The following POLR3B variants were observed in gnomAD, a reference collection of about 807,000 sequenced individuals.
The protein encoded by POLR3B is RNA polymerase III subunit B.
Under a neutral mutation model 147.4 loss-of-function variants are expected in POLR3B, and 96 were observed. The observed-to-expected ratio is 0.65, with a 90% confidence interval of 0.55 to 0.77. The LOEUF is 0.77. POLR3B is among the 30% of genes least tolerant of loss of function. The pLI is 0.00. For synonymous variants in POLR3B, 461 were observed against 485.9 expected (o/e 0.95, Z 0.67); for missense variants, 1,036 against 1,413.5 (o/e 0.73, Z 4.28).
intron 9 of POLR3B, among the ~76,000 whole-genome samples, chr12:106,385,547 A>G (rs1044236234): frequency 6.6e-6 from 1 of 152,258 alleles, no homozygotes; most frequent in Non-Finnish European, 1.5e-5. Context: ...CATTTTGGGT[A>G]TAAGCCTCAG....
chr12:106,501,300 A>T (rs752450168), intron 25 of POLR3B, 23 bp from the exon 26 acceptor site: 1 of 1,495,032 alleles, frequency 6.7e-7, no homozygotes, highest in African/African-American at 1.4e-5. Flanking sequence ...TTCTTAACCC[A>T]CAACAATTGA....
At chr12:106,494,096 T>G (rs1403757119) in intron 23 of POLR3B, among the ~76,000 whole-genome samples, 1 of 152,180 alleles carries the variant, frequency 6.6e-6, no homozygotes, top group African/African-American at 2.4e-5. Flanking sequence ...CTAAATATTC[T>G]TAATCAGATT....
Position 106,469,324 on chromosome 12 carries a change from A to G in POLR3B, c.2713+5704A>G, listed in dbSNP as rs1242450488. ...TTGGTAGATCTTCCTCCATCCCTTT[A>G]TTTTGAGCCTATGTGTGTCTCTGCA... On this transcript the variant is annotated intron_variant, in intron 23 of 27. Transcript: ENST00000228347. 5.2e-5 allele frequency among the ~76,000 whole-genome samples: 4 copies of G among 76,630 alleles called. No individual in the cohort carries two copies. The Admixed American group carries it at 5.7e-4, about 11-fold the overall frequency. The allele number at this position is 76,630 out of a possible 152,430, so 50.3% of individuals were successfully genotyped here.
chr12:106,398,734 G>T (rs12309290), intron 10 of POLR3B, among the ~76,000 whole-genome samples: 39 of 152,182 alleles, frequency 2.6e-4, no homozygotes, highest in African/African-American at 9.4e-4. Flanking sequence ...GTCTGGAGTG[G>T]ACCTCTAGCA....
chr12:106,443,038 A>C (rs1050137417), intron 18 of POLR3B, among the ~76,000 whole-genome samples: 2 of 152,224 alleles, frequency 1.3e-5, no homozygotes, highest in Non-Finnish European at 2.9e-5. Context: ...AATGCAAGCC[A>C]CCTATATAAC....
intron 12 of POLR3B, among the ~76,000 whole-genome samples, chr12:106,414,637 T>C (rs1298083685): frequency 6.6e-6 from 1 of 152,150 alleles, no homozygotes; most frequent in Non-Finnish European, 1.5e-5. Flanking sequence ...TACCATGGCT[T>C]CACCTCATTT....
chr12:106,509,360 A>C, intron 27 of POLR3B, 60 bp from the exon 28 acceptor site: 2 of 1,586,880 alleles, frequency 1.3e-6, no homozygotes, highest in East Asian at 2.2e-5. Flanking sequence ...CTCACTTCCT[A>C]CGTGGAGGCC....
intron 23 of POLR3B, among the ~76,000 whole-genome samples, chr12:106,467,106 T>C (rs994697996): frequency 2.6e-5 from 4 of 152,222 alleles, no homozygotes; most frequent in African/African-American, 9.6e-5. Flanking sequence ...TTTCCATTTG[T>C]TTGTGTCCCC....
At position 106,398,199 on chromosome 12, in the gene POLR3B, T is replaced by C. The variant is rs2037007671; in HGVS notation, c.846+5046T>C. On this transcript the variant is annotated intron_variant, in intron 10 of 27. Transcript: ENST00000228347. ...CAGGAGATTATATCCCGCACATGAC[T>C]CGGAGGGTCCTATGCCCACGGAGTC... 4.6e-5 allele frequency among the ~76,000 whole-genome samples: 7 copies of C among 152,312 alleles called. No individual in the cohort carries two copies. In the South Asian group the frequency reaches 1.5e-3, roughly 32 times the overall value.
intron 20 of POLR3B, 133 bp from the exon 21 acceptor site, chr12:106,457,005 A>G: frequency 1.3e-6 from 1 of 764,582 alleles, no homozygotes; most frequent in East Asian, 2.6e-5. Context: ...GTCCCAGATT[A>G]TTATCAAATA....
At chr12:106,463,275 T>C (rs148550887) in intron 22 of POLR3B, among the ~76,000 whole-genome samples, 13 of 152,264 alleles carry the variant, frequency 8.5e-5, no homozygotes, top group African/African-American at 2.9e-4. Context: ...CACTGTGCCT[T>C]CCTCATAATA....
At chr12:106,435,508 T>A (rs2037565687) in intron 16 of POLR3B, among the ~76,000 whole-genome samples, 1 of 151,826 alleles carries the variant, frequency 6.6e-6, no homozygotes, top group South Asian at 2.1e-4. Flanking sequence ...AATTGGTTTC[T>A]CTTCTTTGCA....
chr12:106,421,938 G>A (rs2037379107), intron 12 of POLR3B, among the ~76,000 whole-genome samples: 2 of 152,122 alleles, frequency 1.3e-5, no homozygotes, highest in African/African-American at 4.8e-5. Context: ...GACCTCAAGT[G>A]ATCCACCCGT....
intron 9 of POLR3B, among the ~76,000 whole-genome samples, chr12:106,388,543 C>T (rs1467523184): frequency 6.6e-6 from 1 of 152,184 alleles, no homozygotes; most frequent in Admixed American, 6.5e-5. Flanking sequence ...GTCTTGATCT[C>T]CTGACCTGGT....
At chr12:106,392,219 A>G (rs980050092) in intron 9 of POLR3B, among the ~76,000 whole-genome samples, 5 of 151,970 alleles carry the variant, frequency 3.3e-5, no homozygotes, top group Non-Finnish European at 7.4e-5. Flanking sequence ...CTGGAGTGCA[A>G]TGGCACAATT....
In POLR3B at chr12:106,380,153, T is replaced by C; in HGVS notation, c.723+14T>C. 7.3e-7 allele frequency: 1 copy of C among 1,361,292 alleles called. No individual in the cohort carries two copies. The highest frequency in any genetic ancestry group is 1.1e-6 in the Non-Finnish European group (1 of 949,654). 84.3% of individuals were successfully genotyped at this position (1,361,292 alleles called of 1,614,324 possible). Reference sequence around the variant, plus strand: ...ATCATATTTAAGGTAAAGCTGCAGCTCTCTTCTGAAAATTGTAAGAATTCT... The same window carrying C: ...ATCATATTTAAGGTAAAGCTGCAGCCCTCTTCTGAAAATTGTAAGAATTCT... On this transcript the variant is annotated intron_variant, in intron 9 of 27. Coordinates refer to ENST00000228347, the MANE Select transcript of POLR3B (RefSeq NM_018082.6).
At chr12:106,383,797 G>C (rs1439119173) in intron 9 of POLR3B, among the ~76,000 whole-genome samples, 1 of 151,970 alleles carries the variant, frequency 6.6e-6, no homozygotes, top group Non-Finnish European at 1.5e-5. Context: ...GACCAACATG[G>C]TGAAATCCCA....
chr12:106,437,069 T>G lies in POLR3B; in HGVS notation c.1794T>G (p.Ile598Met). The G allele has an allele frequency of 6.2e-7, 1 of 1,613,092 alleles. No homozygotes were observed. The highest frequency in any genetic ancestry group is 8.5e-7 in the Non-Finnish European group (1 of 1,179,458). The change falls in exon 17 of 28, where the codon ATT (isoleucine) becomes ATG (methionine). Residue 598 changes from isoleucine (I) to methionine (M), a missense_variant. By Grantham distance (10) the Ile-to-Met change is conservative (BLOSUM62 1). Transcript: ENST00000228347. Reference protein sequence around the residue: ...DGGRLCRPYIIVKKQKPAVTN... With the variant: ...DGGRLCRPYIMVKKQKPAVTN... The stretch of plus-strand genomic sequence containing the variant: ...GTTTCCATTCTAGACCCTACATAAT[T>G]GTCAAGAAACAGAAGCCAGCAGTCA...
intron 6 of POLR3B, among the ~76,000 whole-genome samples, chr12:106,375,300 T>C (rs966606714): frequency 6.6e-6 from 1 of 152,216 alleles, no homozygotes; most frequent in Admixed American, 6.5e-5. Flanking sequence ...TTGACTGTGA[T>C]CTGCTTAGGT....
Sources: gnomAD v4.1 joint callset for allele counts (sites outside exome capture counted in the v4.1 genomes callset) on GRCh38, gnomAD v4.1.1 for gene constraint, MANE v1.5 for transcripts, NCBI Gene and HGNC (gene_info 2026-07-23, HGNC 2026-07-21) for gene names.